RGL1: variants seen among roughly 807,000 people sequenced by gnomAD.
The protein encoded by RGL1 is ral guanine nucleotide dissociation stimulator like 1.
In RGL1, 24 loss-of-function variants were observed where a neutral mutation model predicts 95.2. The observed-to-expected ratio is 0.25, with a 90% CI of 0.18 to 0.35. The LOEUF (loss-of-function observed/expected upper bound fraction) is 0.35. Ranked by LOEUF, RGL1 falls within the 10% of genes least tolerant of loss-of-function variation. RGL1 has a pLI of 1.00. For missense variants in RGL1, 715 were observed against 936.3 expected, an observed-to-expected ratio of 0.76 and a Z score of 3.08; for synonymous variants, 329 against 344.9, an observed-to-expected ratio of 0.95 and a Z score of 0.51.
chr1:183,723,902 C>G (rs1247323485), intron 1 of RGL1, among the ~76,000 whole-genome samples: 1 of 152,150 alleles, frequency 6.6e-6, no homozygotes, highest in African/African-American at 2.4e-5. Context: ...AAGACTCCTT[C>G]TTTCTGCTTG....
At chr1:183,742,120 A>C (rs1244836889) in intron 1 of RGL1, 2 of 1,612,292 alleles carry the variant, frequency 1.2e-6, no homozygotes, top group East Asian at 2.2e-5. Context: ...TTATTCTTCC[A>C]CACAGATCCG....
At chr1:183,664,062 G>T (rs557315247) in intron 1 of RGL1, among the ~76,000 whole-genome samples, 2 of 109,370 alleles carry the variant, frequency 1.8e-5, no homozygotes, top group Non-Finnish European at 3.5e-5. Context: ...GAGGACTGTT[G>T]TGGGGTGGGG....
chr1:183,754,060 G>T (rs748846420), intron 2 of RGL1, among the ~76,000 whole-genome samples: 3 of 151,714 alleles, frequency 2.0e-5, no homozygotes, highest in Non-Finnish European at 4.4e-5. Flanking sequence ...TTCTTATCTT[G>T]ATGTTTTTCA....
intron 1 of RGL1, among the ~76,000 whole-genome samples, chr1:183,716,453 T>A (rs12044116): frequency 6.6e-6 from 1 of 152,214 alleles, no homozygotes; most frequent in Non-Finnish European, 1.5e-5. Flanking sequence ...AATATGTAGC[T>A]TCTGAAGTCA....
chr1:183,897,457 G>A (rs934084073), intron 9 of RGL1, among the ~76,000 whole-genome samples: 16 of 152,102 alleles, frequency 1.1e-4, no homozygotes, highest in African/African-American at 3.4e-4. Flanking sequence ...GCTGAGGCAG[G>A]AGAATCACTT....
intron 1 of RGL1, among the ~76,000 whole-genome samples, chr1:183,656,108 CTTTTCTTTTT>C (rs1651140251): frequency 9.9e-6 from 1 of 100,566 alleles, no homozygotes; most frequent in Non-Finnish European, 2.2e-5. Flanking sequence ...TTTTTCTTTT[CTTTTCTTTTT>C]TTTTTCTCAT....
intron 2 of RGL1, among the ~76,000 whole-genome samples, chr1:183,774,883 T>C (rs1659510439): frequency 6.6e-6 from 1 of 152,040 alleles, no homozygotes; most frequent in Non-Finnish European, 1.5e-5. Context: ...CTACATTTGT[T>C]ATTTCTGAGT....
At chr1:183,697,674 G>T (rs930028947) in intron 1 of RGL1, among the ~76,000 whole-genome samples, 4 of 152,160 alleles carry the variant, frequency 2.6e-5, no homozygotes, top group African/African-American at 9.7e-5. Context: ...TTACTCAAAG[G>T]TTAAAAACTG....
At chr1:183,638,185 G>A (rs1461122247) in intron 1 of RGL1, among the ~76,000 whole-genome samples, 1 of 152,052 alleles carries the variant, frequency 6.6e-6, no homozygotes, top group Non-Finnish European at 1.5e-5. Flanking sequence ...ATCAGCTTAA[G>A]GGAATAGTGA....
At chr1:183,762,830 G>A (rs946941741) in intron 2 of RGL1, among the ~76,000 whole-genome samples, 3 of 152,154 alleles carry the variant, frequency 2.0e-5, no homozygotes, top group African/African-American at 7.2e-5. Flanking sequence ...AAGACAGTAT[G>A]GCAATTCCTC....
chr1:183,677,297 ATCTC>A (rs751455802), intron 1 of RGL1, among the ~76,000 whole-genome samples: 126 of 150,442 alleles, frequency 8.4e-4, no homozygotes, highest in Non-Finnish European at 1.5e-3. Context: ...GGAAGATGGG[ATCTC>A]TCTCTCTTTT....
intron 2 of RGL1, among the ~76,000 whole-genome samples, chr1:183,759,139 G>A (rs1466117988): frequency 6.6e-6 from 1 of 152,116 alleles, no homozygotes; most frequent in African/African-American, 2.4e-5. Context: ...AGAGGCTCAG[G>A]AAAAAACAAA....
chr1:183,916,411 A>G (rs774229229), intron 15 of RGL1, 36 bp from the exon 16 acceptor site: 2 of 1,608,074 alleles, frequency 1.2e-6, no homozygotes, highest in African/African-American at 1.3e-5. Context: ...CCAGCGTTCT[A>G]ATCTGTTTTC....
intron 4 of RGL1, among the ~76,000 whole-genome samples, chr1:183,869,544 C>T (rs1037615032): frequency 6.6e-6 from 1 of 152,226 alleles, no homozygotes; most frequent in Non-Finnish European, 1.5e-5. Context: ...CTCTGTCCTA[C>T]AGATTCTGGA....
chr1:183,798,433 T>G (rs937533412), intron 2 of RGL1, among the ~76,000 whole-genome samples: 1 of 152,098 alleles, frequency 6.6e-6, no homozygotes, highest in Non-Finnish European at 1.5e-5. Context: ...ATAAGTATAT[T>G]CCCATGAAAC....
intron 2 of RGL1, among the ~76,000 whole-genome samples, chr1:183,821,134 AAATAATAATAAT>A (rs56019394): frequency 6.6e-6 from 1 of 150,564 alleles, no homozygotes; most frequent in African/African-American, 2.4e-5. Flanking sequence ...ACTCCGTCTA[AAATAATAATAAT>A]AATAATAATA....
rs1667024918 is a variant in RGL1, at chr1:183,884,862, G to C, written c.875G>C (p.Ser292Thr). The change falls in exon 7 of 18, where the codon AGC becomes ACC. Residue 292 changes from serine (S) to threonine (T), a missense_variant. Coordinates refer to ENST00000360851, the MANE Select transcript of RGL1 (RefSeq NM_001297671.3). Reference protein sequence around the residue: ...QFNTLTKCVVSTILGGKELKT... With the variant: ...QFNTLTKCVVTTILGGKELKT... ...AATACCCTCACCAAATGTGTTGTCA[G>C]CACCATCCTGGGGGGCAAAGAACTC... 6.2e-7 allele frequency: 1 copy of C among 1,614,004 alleles called. No individual in the cohort carries two copies. Among genetic ancestry groups the C allele is most frequent in the Non-Finnish European group, 8.5e-7 (1 of 1,179,976 alleles).
intron 1 of RGL1, among the ~76,000 whole-genome samples, chr1:183,699,130 G>C (rs185164471): frequency 6.6e-4 from 100 of 152,352 alleles, no homozygotes; most frequent in Admixed American, 4.9e-3. Context: ...TTCAGAGGCA[G>C]GGAAGCCTGG....
intron 2 of RGL1, among the ~76,000 whole-genome samples, chr1:183,846,192 AC>A (rs1484043226): frequency 4.6e-5 from 7 of 152,190 alleles, no homozygotes; most frequent in African/African-American, 1.7e-4. Flanking sequence ...GCACATATAC[AC>A]CATGGAATAC....
Sources: gnomAD v4.1 joint callset for allele counts (sites outside exome capture counted in the v4.1 genomes callset) on GRCh38, gnomAD v4.1.1 for gene constraint, MANE v1.5 for transcripts, NCBI Gene and HGNC (gene_info 2026-07-23, HGNC 2026-07-21) for gene names.